The following PTPRD variants were observed in gnomAD, a reference collection of about 807,000 sequenced individuals.
PTPRD encodes receptor-type tyrosine-protein phosphatase delta.
In PTPRD, 34 loss-of-function variants were observed where a neutral mutation model predicts 214.5. That is an observed-to-expected ratio of 0.16 (90% CI 0.12 to 0.21). The LOEUF is 0.21. PTPRD is among the 10% of genes least tolerant of loss of function. The pLI is 1.00. For missense variants in PTPRD, 2,545 were observed against 2,398.7 expected (o/e 1.06, Z -1.27); for synonymous variants, 1,128 against 845.7 (o/e 1.33, Z -5.79).
At chr9:9,730,646 A>G (rs755259837) in intron 7 of PTPRD, among the ~76,000 whole-genome samples, 1 of 151,152 alleles carries the variant, frequency 6.6e-6, no homozygotes, top group African/African-American at 2.4e-5. Context: ...GGGTTTTATT[A>G]AAAACTTACT....
intron 3 of PTPRD, among the ~76,000 whole-genome samples, chr9:10,063,719 G>A (rs529597150): frequency 1.3e-5 from 2 of 151,968 alleles, no homozygotes; most frequent in African/African-American, 4.8e-5. Context: ...AGAATCTGAG[G>A]TATATGAGGG....
intron 2 of PTPRD, among the ~76,000 whole-genome samples, chr9:10,563,053 G>C (rs1483458615): frequency 6.6e-6 from 1 of 152,154 alleles, no homozygotes; most frequent in African/African-American, 2.4e-5. Context: ...CATAATCTGT[G>C]GGAATGCCTA....
chr9:10,046,909 C>T (rs1362269462), intron 3 of PTPRD, among the ~76,000 whole-genome samples: 1 of 151,956 alleles, frequency 6.6e-6, no homozygotes, highest in Non-Finnish European at 1.5e-5. Flanking sequence ...GTTTTGCACA[C>T]TCAGTGAACA....
chr9:9,502,031 C>T (rs932247350), intron 8 of PTPRD, among the ~76,000 whole-genome samples: 1 of 151,762 alleles, frequency 6.6e-6, no homozygotes, highest in African/African-American at 2.4e-5. Context: ...GAGATACATA[C>T]ACACCCATGA....
At chr9:8,799,416 G>T (rs1274962864) in intron 11 of PTPRD, among the ~76,000 whole-genome samples, 1 of 152,212 alleles carries the variant, frequency 6.6e-6, no homozygotes, top group Admixed American at 6.5e-5. Context: ...CCTGCTGGAA[G>T]AGACCTGGAA....
At chr9:10,459,653 G>A (rs1421666821) in intron 2 of PTPRD, among the ~76,000 whole-genome samples, 1 of 151,812 alleles carries the variant, frequency 6.6e-6, no homozygotes, top group East Asian at 1.9e-4. Flanking sequence ...AACGACCCGT[G>A]ATGAAGAGCT....
chr9:8,372,616 G>A (rs1588945034), intron 39 of PTPRD, among the ~76,000 whole-genome samples: 1 of 151,982 alleles, frequency 6.6e-6, no homozygotes, highest in Admixed American at 6.6e-5. Flanking sequence ...TAGATAACTA[G>A]AGTTGGCCTT....
chr9:10,221,173 G>T (rs528276495), intron 3 of PTPRD, among the ~76,000 whole-genome samples: 2 of 152,082 alleles, frequency 1.3e-5, no homozygotes, highest in South Asian at 2.1e-4. Flanking sequence ...CATAAACATG[G>T]AAGGTTGAAA....
chr9:10,204,816 G>C (rs967900156), intron 3 of PTPRD, among the ~76,000 whole-genome samples: 1 of 152,120 alleles, frequency 6.6e-6, no homozygotes, highest in African/African-American at 2.4e-5. Context: ...ATCTCTAGTT[G>C]TCAAATCTGT....
At chr9:8,974,342 T>C (rs2099256073) in intron 11 of PTPRD, among the ~76,000 whole-genome samples, 1 of 152,016 alleles carries the variant, frequency 6.6e-6, no homozygotes. Context: ...AGAAATTGCC[T>C]TTAAAAAAAT....
chr9:9,981,633 T>G (rs1443233223), intron 4 of PTPRD, among the ~76,000 whole-genome samples: 7 of 152,082 alleles, frequency 4.6e-5, no homozygotes, highest in African/African-American at 1.7e-4. Flanking sequence ...GTGCTGGGAT[T>G]ACAGGCGTGA....
intron 39 of PTPRD, among the ~76,000 whole-genome samples, chr9:8,373,083 TC>T (rs1467272194): frequency 6.6e-6 from 1 of 152,068 alleles, no homozygotes; most frequent in Non-Finnish European, 1.5e-5. Context: ...GTGATCAGTA[TC>T]CCTTTGTAAC....
At chr9:9,085,337 C>G (rs531526563) in intron 10 of PTPRD, among the ~76,000 whole-genome samples, 1 of 152,200 alleles carries the variant, frequency 6.6e-6, no homozygotes, top group Admixed American at 6.5e-5. Flanking sequence ...TAATTACTTC[C>G]TTCTCTCTCA....
intron 14 of PTPRD, among the ~76,000 whole-genome samples, chr9:8,532,926 T>A (rs184965110): frequency 4.6e-5 from 7 of 152,154 alleles, no homozygotes; most frequent in Middle Eastern, 6.8e-3. Flanking sequence ...AATGTAAGCA[T>A]CTTCCAGAGT....
chr9:9,896,275 G>C (rs1410136890), intron 5 of PTPRD, among the ~76,000 whole-genome samples: 2 of 152,026 alleles, frequency 1.3e-5, no homozygotes, highest in East Asian at 3.9e-4. Context: ...AAAGACTTCG[G>C]AAAGTTTTAA....
At chr9:10,363,997 T>TTGTTTC in intron 2 of PTPRD, among the ~76,000 whole-genome samples, 1 of 31,270 alleles carries the variant, frequency 3.2e-5, no homozygotes, top group Middle Eastern at 0.024. Context: ...TCGGGTTTTT[T>TTGTTTC]TTTTTTTTTT....
At chr9:9,410,160 C>G (rs187385284) in intron 8 of PTPRD, among the ~76,000 whole-genome samples, 192 of 152,202 alleles carry the variant, frequency 1.3e-3, no homozygotes, top group African/African-American at 4.2e-3. Context: ...AGTGAAGTAG[C>G]CTTCCTGACC....
intron 11 of PTPRD, among the ~76,000 whole-genome samples, chr9:8,905,612 G>A (rs181224138): frequency 6.6e-6 from 1 of 151,784 alleles, no homozygotes; most frequent in African/African-American, 2.4e-5. Flanking sequence ...GGTGGCGAGT[G>A]CCTGTAATCT....
chr9:10,122,947 C>T (rs2098788227), intron 3 of PTPRD, among the ~76,000 whole-genome samples: 1 of 152,218 alleles, frequency 6.6e-6, no homozygotes, highest in South Asian at 2.1e-4. Flanking sequence ...ATAAAGCAGG[C>T]AGAGCTGCCT....
Sources: allele counts gnomAD v4.1 joint callset (sites outside exome capture counted in the v4.1 genomes callset), GRCh38; gene constraint gnomAD v4.1.1; transcripts MANE v1.5; gene names NCBI Gene and HGNC (gene_info 2026-07-23, HGNC 2026-07-21).